The following CASP8 variants were observed in gnomAD, a reference collection of about 807,000 sequenced individuals.
The protein encoded by CASP8 is caspase 8.
Under a neutral mutation model 46.3 loss-of-function variants are expected in CASP8, and 24 were observed. The ratio of observed to expected loss-of-function variants is 0.52; its 90% CI spans 0.38 to 0.73. The LOEUF (loss-of-function observed/expected upper bound fraction) is 0.73, where lower values mean the gene tolerates loss of function less well. Ranked by LOEUF, CASP8 falls within the 30% of genes least tolerant of loss-of-function variation. The pLI, the probability that CASP8 is intolerant of heterozygous loss-of-function variation, is 0.00. For missense variants in CASP8, 460 were observed against 559.0 expected, an observed-to-expected ratio of 0.82 and a Z score of 1.79; for synonymous variants, 188 against 200.4, an observed-to-expected ratio of 0.94 and a Z score of 0.52.
At chr2:201,284,786 T>C (rs1407145488) in intron 7 of CASP8, 30 bp from the exon 8 acceptor site, 2 of 1,596,332 alleles carry the variant, frequency 1.3e-6, no homozygotes, top group African/African-American at 1.4e-5. Context: ...TACTGTGGTA[T>C]AACGTGACTG....
intron 5 of CASP8, among the ~76,000 whole-genome samples, chr2:201,273,185 G>A (rs974909284): frequency 2.0e-5 from 3 of 151,856 alleles, no homozygotes; most frequent in Admixed American, 2.0e-4. Context: ...AGCCTCCTGA[G>A]AAGCTGGGAT....
intron 6 of CASP8, among the ~76,000 whole-genome samples, chr2:201,276,525 T>A (rs1948642263): frequency 6.6e-6 from 1 of 152,192 alleles, no homozygotes; most frequent in Non-Finnish European, 1.5e-5. Flanking sequence ...TCAAGGAGTC[T>A]TCTGTATAGT....
chr2:201,269,602 T>A (rs766842904), intron 2 of CASP8: 1 of 1,608,820 alleles, frequency 6.2e-7, no homozygotes, highest in African/African-American at 1.3e-5. Flanking sequence ...CATCTATTAA[T>A]AAGGCAGGAT....
chr2:201,277,572 A>G (rs1205288544), intron 7 of CASP8: 1 of 270,644 alleles, frequency 3.7e-6, no homozygotes, highest in African/African-American at 2.4e-5. Context: ...GATTTGATCA[A>G]AGAACTTTTG....
rs533643822 is a variant in CASP8 at position 201,240,719 on chromosome 2, A to G, written c.-27+6607A>G. The G allele has an allele frequency of 3.3e-5, 5 of 152,362 alleles. No individual in the cohort carries two copies. The South Asian group carries it at 1.0e-3, about 32-fold the overall frequency. The allele number at this position is 152,362 out of a possible 1,614,324, so 9.4% of individuals were successfully genotyped here. ...ACAGAACGTTCCACCCTACAGCAGT[A>G]GAACACACATTATCCTCAAATGCAC... On this transcript the variant is annotated intron_variant, in intron 2 of 6. Transcript: ENST00000264274.
chr2:201,266,498 C>G lies in CASP8; in HGVS notation c.12C>G (p.Ser4Arg). 1.2e-6 allele frequency: 2 copies of G among 1,613,900 alleles called. No homozygotes were observed. Among genetic ancestry groups the G allele is most frequent in the Non-Finnish European group, 1.7e-6 (2 of 1,179,800 alleles). Residue 4 changes from serine (S) to arginine (R), a missense_variant, in exon 2 of 9, where the codon AGC becomes AGG. Physicochemically the swap from Ser to Arg is moderately radical, Grantham distance 110. Transcript: ENST00000673742. This position sits in a 1 kb window ranked among gnomAD's most constrained non-coding sequence, Gnocchi z 5.7. MDF[S>R]RNLYDIGEQL... ...TGCCTTTTAAAAAGATGGACTTCAG[C>G]AGAAATCTTTATGATATTGGGGAAC...
intron 2 of CASP8, among the ~76,000 whole-genome samples, chr2:201,253,778 C>T (rs1308609109): frequency 6.6e-6 from 1 of 152,070 alleles, no homozygotes; most frequent in East Asian, 1.9e-4. Flanking sequence ...CTCTTCTATG[C>T]CCAAACCTTT....
At chr2:201,260,220 A>T (rs1444469264), upstream of CASP8, among the ~76,000 whole-genome samples, 1 of 152,164 alleles carries the variant, frequency 6.6e-6, no homozygotes, top group African/African-American at 2.4e-5. Flanking sequence ...AAAAATCTTT[A>T]AATCCTAAAT....
intron 2 of CASP8, chr2:201,242,288 A>G (rs1946332634): frequency 6.6e-6 from 1 of 152,220 alleles, no homozygotes. Flanking sequence ...ACAAAATACC[A>G]TAGACTGGTG....
intron 1 of CASP8, among the ~76,000 whole-genome samples, chr2:201,265,597 G>A (rs997646747): frequency 6.6e-6 from 1 of 151,992 alleles, no homozygotes; most frequent in Non-Finnish European, 1.5e-5. Flanking sequence ...GTTGGATAAT[G>A]TCATTCTCAT....
Position 201,284,897 on chromosome 2 carries a change from T to C in CASP8, c.884T>C (p.Ile295Thr). The C allele has an allele frequency of 6.2e-7, 1 of 1,614,088 alleles. No homozygotes were observed. The highest frequency in any genetic ancestry group is 8.5e-7 in the Non-Finnish European group (1 of 1,180,030). ...TGCACAGTAGAGCAAATCTATGAGA[T>C]TTTGAAAATCTACCAACTCATGGAC... The part of the protein sequence containing the change: ...DDCTVEQIYE[I>T]LKIYQLMDHS... Residue 295 changes from isoleucine (I) to threonine (T), a missense_variant, in exon 8 of 9, where the codon ATT becomes ACT. Ile to Thr is a moderately conservative substitution (Grantham distance 89, BLOSUM62 -1). Transcript: ENST00000673742.
upstream of CASP8, among the ~76,000 whole-genome samples, chr2:201,258,678 T>G (rs1392946485): frequency 6.6e-6 from 1 of 152,222 alleles, no homozygotes; most frequent in East Asian, 1.9e-4. Context: ...TGTGGACCCG[T>G]TTGGAGAGTC....
At chr2:201,278,565 C>T (rs1948796930) in intron 7 of CASP8, among the ~76,000 whole-genome samples, 1 of 149,272 alleles carries the variant, frequency 6.7e-6, no homozygotes, top group Admixed American at 6.7e-5. Flanking sequence ...GAGGCAGAGT[C>T]TCACTCTGTT....
In CASP8 at chr2:201,284,990, C is replaced by T. The variant is rs1949486773; in HGVS notation, c.977C>T (p.Thr326Ile). Residue 326 changes from threonine (T) to isoleucine (I), a missense_variant, in exon 8 of 9, where the codon ACT (threonine) becomes ATT (isoleucine). Physicochemically the swap from Thr to Ile is moderately conservative, Grantham distance 89. Transcript: ENST00000673742. ...GGAGACAAGGGCATCATCTATGGCACTGATGGACAGGAGGCCCCCATCTAT... is the reference window on the plus strand; with the variant it reads ...GGAGACAAGGGCATCATCTATGGCATTGATGGACAGGAGGCCCCCATCTAT... ...SHGDKGIIYG[T>I]DGQEAPIYEL... 1.2e-6 allele frequency: 2 copies of T among 1,614,112 alleles called. No homozygotes were observed. Among genetic ancestry groups the T allele is most frequent in the African/African-American group, 2.7e-5 (2 of 75,042 alleles).
chr2:201,274,993 A>T, intron 6 of CASP8, 40 bp downstream of exon 6: 1 of 1,320,118 alleles, frequency 7.6e-7, no homozygotes, highest in Non-Finnish European at 1.1e-6. Context: ...TACATTACAG[A>T]TTCTAGTTAT....
chr2:201,273,897 ACTC>A (rs1379100191), intron 5 of CASP8, among the ~76,000 whole-genome samples: 1 of 151,114 alleles, frequency 6.6e-6, no homozygotes, highest in South Asian at 2.1e-4. Context: ...CTGATCTTGA[ACTC>A]CTGAGCTCAA....
chr2:201,272,104 G>A lies in CASP8; in HGVS notation c.411+483G>A, dbSNP rs1948301928. Among the ~76,000 whole-genome samples, 1 of 151,964 alleles carries A rather than the reference G, an allele frequency of 6.6e-6. No homozygotes were observed. Among genetic ancestry groups the A allele is most frequent in the Non-Finnish European group, 1.5e-5 (1 of 67,970 alleles). ...GGTGTGTGTGTCTGTGTATCTCTGT[G>A]TGTGTGTTCTCTGTGTGGTATGTGT... On this transcript the variant is annotated intron_variant, in intron 3 of 8. Coordinates refer to ENST00000673742, the MANE Select transcript of CASP8 (RefSeq NM_001372051.1). The surrounding 1 kb of genome is among the most constrained non-coding windows in gnomAD (Gnocchi z 4.4).
Position 201,266,322 on chromosome 2 carries a change from A to C in CASP8, c.-26-139A>C, listed in dbSNP as rs1402189981. 2 of 685,904 alleles carry C rather than the reference A, an allele frequency of 2.9e-6. No homozygotes were observed. Among genetic ancestry groups the C allele is most frequent in the African/African-American group, 3.6e-5 (2 of 55,806 alleles). 42.5% of individuals were successfully genotyped at this position (685,904 alleles called of 1,614,324 possible). A position where few individuals can be genotyped will look rare whatever the true frequency, so the allele number is the denominator to read the frequency against. Reference sequence around the variant, plus strand: ...CTACCTTCCTAAACAGTAAGAGGGAACTTGTCTGGTGTTCTTTTTTTCTCT... The same window carrying C: ...CTACCTTCCTAAACAGTAAGAGGGACCTTGTCTGGTGTTCTTTTTTTCTCT... On this transcript the variant is annotated intron_variant, in intron 1 of 8. Transcript: ENST00000673742. The surrounding 1 kb of genome is among the most constrained non-coding windows in gnomAD (Gnocchi z 5.7).
chr2:201,253,008 A>G (rs1488272069), intron 2 of CASP8, among the ~76,000 whole-genome samples: 3 of 152,040 alleles, frequency 2.0e-5, no homozygotes, highest in African/African-American at 7.2e-5. Context: ...TGTTTTAGAC[A>G]GGGGCTCGCT....
Sources: allele counts gnomAD v4.1 joint callset (sites outside exome capture counted in the v4.1 genomes callset), GRCh38; gene constraint gnomAD v4.1.1; non-coding constraint Gnocchi (gnomAD v3.1); transcripts MANE v1.5; gene names NCBI Gene and HGNC (gene_info 2026-07-23, HGNC 2026-07-21).